Variants in NRG2 observed in about 807,000 individuals in gnomAD.
NRG2 encodes the protein pro-neuregulin-2, membrane-bound isoform.
A neutral mutation model predicts 73.9 loss-of-function variants in NRG2; 27 were observed. That is an observed-to-expected ratio of 0.37 (90% CI 0.27 to 0.50). The LOEUF (loss-of-function observed/expected upper bound fraction) is 0.50. Ranked by LOEUF, NRG2 falls within the 20% of genes least tolerant of loss-of-function variation. The probability of loss-of-function intolerance (pLI) is 0.96; values close to 1 mark genes in which losing one functional copy is unlikely to be tolerated. For missense variants in NRG2, 1,126 were observed against 1,210.1 expected (o/e 0.93, Z 1.03); for synonymous variants, 532 against 541.0 (o/e 0.98, Z 0.23).
Position 140,042,542 on chromosome 5 carries a change from G to A in NRG2, c.528C>T (p.Arg176=), listed in dbSNP as rs1427806050. The change falls in exon 1 of 10, where the codon CGC becomes CGT. Residue 176 remains arginine (R), a synonymous_variant. Transcript: ENST00000361474. ...KWPLRSGGLQ[R]EQVISVGSCV... ...AGGAGCCCACGCTGATCACCTGCTC[G>A]CGCTGCAGCCCCCCGCTCCGGAGCG... 2 of 1,612,658 alleles carry A rather than the reference G, an allele frequency of 1.2e-6. No homozygotes were observed.
At chr5:140,014,642 T>C (rs1759633472) in intron 1 of NRG2, among the ~76,000 whole-genome samples, 1 of 152,220 alleles carries the variant, frequency 6.6e-6, no homozygotes, top group Middle Eastern at 3.4e-3. Context: ...CAGCCTCTTC[T>C]CATCCCCTCT....
intron 1 of NRG2, among the ~76,000 whole-genome samples, chr5:139,931,962 A>C (rs1752494727): frequency 6.6e-6 from 1 of 152,254 alleles, no homozygotes; most frequent in Admixed American, 6.5e-5. Flanking sequence ...TATGGAATGA[A>C]GGGAACCATT....
chr5:140,016,009 C>T (rs1759740976), intron 1 of NRG2, among the ~76,000 whole-genome samples: 1 of 152,160 alleles, frequency 6.6e-6, no homozygotes, highest in African/African-American at 2.4e-5. Flanking sequence ...CTTTGTAGCC[C>T]ATCATTCATT....
At chr5:139,939,206 TC>T (rs2126416657) in intron 1 of NRG2, among the ~76,000 whole-genome samples, 2 of 20,990 alleles carry the variant, frequency 9.5e-5, no homozygotes, top group East Asian at 3.6e-3. Context: ...AAGATTTCTT[TC>T]CTTCCTTCCT....
intron 3 of NRG2, among the ~76,000 whole-genome samples, chr5:139,874,508 G>A (rs1030519315): frequency 1.3e-5 from 2 of 152,132 alleles, no homozygotes; most frequent in Non-Finnish European, 2.9e-5. Context: ...ACTTCCTCAA[G>A]AGACTCCATC....
At chr5:140,020,953 G>A (rs1357566629) in intron 1 of NRG2, among the ~76,000 whole-genome samples, 1 of 152,186 alleles carries the variant, frequency 6.6e-6, no homozygotes, top group Non-Finnish European at 1.5e-5. Flanking sequence ...TCTATCCCGT[G>A]TCTCAAACTC....
chr5:139,951,384 G>A (rs1292374332), intron 1 of NRG2, among the ~76,000 whole-genome samples: 2 of 152,160 alleles, frequency 1.3e-5, no homozygotes, highest in Admixed American at 1.3e-4. Flanking sequence ...GTCAAATGCT[G>A]GTGCTGTCAT....
chr5:139,890,015 G>A (rs907984494), intron 1 of NRG2, among the ~76,000 whole-genome samples: 4 of 152,132 alleles, frequency 2.6e-5, no homozygotes, highest in South Asian at 2.1e-4. Flanking sequence ...GAATTGCTGC[G>A]TCAGAAGGTA....
At chr5:139,986,797 T>C (rs1757203308) in intron 1 of NRG2, among the ~76,000 whole-genome samples, 1 of 152,212 alleles carries the variant, frequency 6.6e-6, no homozygotes. Flanking sequence ...TTTGACTAAT[T>C]TAAATTCCAA....
chr5:139,864,367 C>CT (rs1270569107), intron 5 of NRG2, among the ~76,000 whole-genome samples: 1 of 150,776 alleles, frequency 6.6e-6, no homozygotes, highest in Admixed American at 6.6e-5. Context: ...TTCTTTCTTT[C>CT]TTCTCCTTCT....
chr5:140,006,487 T>C (rs1309360872), intron 1 of NRG2, among the ~76,000 whole-genome samples: 1 of 152,216 alleles, frequency 6.6e-6, no homozygotes, highest in Non-Finnish European at 1.5e-5. Flanking sequence ...CAAAGATTAA[T>C]GTACAAAGTT....
chr5:139,865,958 C>T lies in NRG2; in HGVS notation c.1113-333G>A, dbSNP rs191128149. On this transcript the variant is annotated intron_variant, in intron 4 of 9. Coordinates refer to ENST00000361474, the MANE Select transcript of NRG2 (RefSeq NM_004883.3). The surrounding 1 kb of genome is among the most constrained non-coding windows in gnomAD (Gnocchi z 5.2). The stretch of plus-strand genomic sequence containing the variant: ...CCTGCCTGGTGCCCCATGAAGCAAG[C>T]ACTGTGGCCTCTTGGTGCCAGGCAG... Among the ~76,000 whole-genome samples, 158 of 152,300 alleles carry T rather than the reference C, an allele frequency of 1.0e-3. No individual in the cohort carries two copies. Among genetic ancestry groups the T allele is most frequent in the Non-Finnish European group, 1.7e-3 (117 of 68,016 alleles).
chr5:140,029,987 T>C (rs1304417064), intron 1 of NRG2, among the ~76,000 whole-genome samples: 1 of 152,094 alleles, frequency 6.6e-6, no homozygotes, highest in Non-Finnish European at 1.5e-5. Flanking sequence ...AAGCCAACCA[T>C]AAGGCTCCCC....
chr5:139,883,235 CCT>C (rs1338733219), intron 2 of NRG2, among the ~76,000 whole-genome samples: 5 of 137,018 alleles, frequency 3.6e-5, no homozygotes, highest in African/African-American at 1.3e-4. Flanking sequence ...CGCCCTCCCC[CCT>C]CCCCCCTACC....
chr5:139,975,617 G>A (rs1162219475), intron 1 of NRG2, among the ~76,000 whole-genome samples: 1 of 152,220 alleles, frequency 6.6e-6, no homozygotes, highest in South Asian at 2.1e-4. Context: ...CAGAGCCCTA[G>A]GGCCATCTGG....
chr5:140,042,142 G>A (rs1221308187), intron 1 of NRG2, among the ~76,000 whole-genome samples: 1 of 151,894 alleles, frequency 6.6e-6, no homozygotes, highest in Non-Finnish European at 1.5e-5. Flanking sequence ...ACAGGCCAGC[G>A]CCTCCCTCCG....
At chr5:139,900,692 G>A (rs868043565) in intron 1 of NRG2, among the ~76,000 whole-genome samples, 1 of 152,354 alleles carries the variant, frequency 6.6e-6, no homozygotes, top group Middle Eastern at 3.4e-3. Flanking sequence ...GAGTAAGTGG[G>A]ACTGACCAGG....
intron 1 of NRG2, among the ~76,000 whole-genome samples, chr5:139,985,585 AAGCTAT>A (rs1426818740): frequency 6.6e-6 from 1 of 152,140 alleles, no homozygotes; most frequent in Admixed American, 6.5e-5. Context: ...AATCTGATGA[AAGCTAT>A]AGACCTTCCC....
chr5:139,874,021 A>G (rs1261792141), intron 3 of NRG2, among the ~76,000 whole-genome samples: 1 of 152,194 alleles, frequency 6.6e-6, no homozygotes, highest in Non-Finnish European at 1.5e-5. Context: ...GTGTGGGGAA[A>G]GAGTGACCAC....
Sources: gnomAD v4.1 joint callset for allele counts (sites outside exome capture counted in the v4.1 genomes callset) on GRCh38, gnomAD v4.1.1 for gene constraint, Gnocchi (gnomAD v3.1) non-coding constraint, MANE v1.5 for transcripts, NCBI Gene and HGNC (gene_info 2026-07-23, HGNC 2026-07-21) for gene names.